PDE11A: variants seen among roughly 807,000 people sequenced by gnomAD.
The protein encoded by PDE11A is dual 3',5'-cyclic-AMP and -GMP phosphodiesterase 11A.
In PDE11A, 100 loss-of-function variants were observed where a neutral mutation model predicts 100.5. That is an observed-to-expected ratio of 1.00 (90% CI 0.85 to 1.18). PDE11A has a LOEUF of 1.18. Among genes scored for constraint, PDE11A ranks in the 50% most tolerant of loss-of-function variants. The pLI, the probability that PDE11A is intolerant of heterozygous loss-of-function variation, is 0.00. For synonymous variants in PDE11A, 381 were observed against 420.8 expected (o/e 0.91, Z 1.16); for missense variants, 1,141 against 1,152.6 (o/e 0.99, Z 0.15).
At chr2:177,886,446 A>C (rs1385284698) in intron 4 of PDE11A, among the ~76,000 whole-genome samples, 2 of 152,216 alleles carry the variant, frequency 1.3e-5, no homozygotes, top group African/African-American at 4.8e-5. Flanking sequence ...TAGCTTAAAG[A>C]CCACAAATGC....
Position 178,072,283 on chromosome 2 carries a change from C to A in PDE11A, c.155G>T (p.Arg52Met), listed in dbSNP as rs77972073. 1.4e-5 allele frequency: 23 copies of A among 1,613,918 alleles called. No individual in the cohort carries two copies. Among genetic ancestry groups the A allele is most frequent in the Non-Finnish European group, 1.9e-5 (23 of 1,179,898 alleles). The change falls in exon 1 of 20, where the codon AGG becomes ATG. Residue 52 changes from arginine (R) to methionine (M), a missense_variant. Physicochemically the swap from Arg to Met is moderately conservative, Grantham distance 91. Transcript: ENST00000286063. ...HSQGQGALGP[R>M]PSLAGTSSLA... ...GCTGCTGGTACCAGCCAAAGAGGGC[C>A]TTGGACCTAAAGCCCCCTGACCCTG...
At chr2:177,643,469 T>C (rs2080176056) in intron 19 of PDE11A, among the ~76,000 whole-genome samples, 1 of 152,104 alleles carries the variant, frequency 6.6e-6, no homozygotes. Flanking sequence ...GAGAGATGAT[T>C]AAGGGTACCT....
At chr2:177,849,587 T>C (rs1459226645) in intron 5 of PDE11A, among the ~76,000 whole-genome samples, 1 of 152,006 alleles carries the variant, frequency 6.6e-6, no homozygotes, top group Non-Finnish European at 1.5e-5. Context: ...CCATTCACAA[T>C]TGCTTCAAAG....
At chr2:177,987,779 T>C (rs140104957) in intron 2 of PDE11A, among the ~76,000 whole-genome samples, 1 of 152,328 alleles carries the variant, frequency 6.6e-6, no homozygotes, top group East Asian at 1.9e-4. Flanking sequence ...TCATTTATTA[T>C]GTTTTTATTT....
chr2:177,864,016 T>C (rs2083988860), intron 5 of PDE11A, among the ~76,000 whole-genome samples: 1 of 152,096 alleles, frequency 6.6e-6, no homozygotes, highest in South Asian at 2.1e-4. Flanking sequence ...ATGTTATTCA[T>C]TCCTAAAAAA....
chr2:177,697,693 T>C (rs1257817086), intron 14 of PDE11A, among the ~76,000 whole-genome samples: 3 of 152,216 alleles, frequency 2.0e-5, no homozygotes, highest in African/African-American at 7.2e-5. Flanking sequence ...TTGGAACTTA[T>C]CTTACTATGA....
chr2:177,713,874 T>C, intron 12 of PDE11A, among the ~76,000 whole-genome samples: 1 of 151,462 alleles, frequency 6.6e-6, no homozygotes, highest in East Asian at 1.9e-4. Flanking sequence ...GACTTAGAAC[T>C]AAAAATCAGT....
At chr2:177,845,913 G>C (rs1024580323) in intron 5 of PDE11A, among the ~76,000 whole-genome samples, 2 of 149,684 alleles carry the variant, frequency 1.3e-5, no homozygotes, top group East Asian at 2.1e-4. Context: ...GCAGGCACTC[G>C]GCAGGCTGAG....
At chr2:178,019,582 T>C (rs1415990391) in intron 1 of PDE11A, among the ~76,000 whole-genome samples, 1 of 152,238 alleles carries the variant, frequency 6.6e-6, no homozygotes, top group Non-Finnish European at 1.5e-5. Context: ...AGATGGCTTA[T>C]TCTTATCTAA....
intron 15 of PDE11A, among the ~76,000 whole-genome samples, chr2:177,686,093 T>C (rs913133758): frequency 6.6e-6 from 1 of 152,138 alleles, no homozygotes; most frequent in African/African-American, 2.4e-5. Context: ...TTTCATTGGG[T>C]ATATCAAAAC....
At chr2:177,915,421 A>T (rs2084938470) in intron 2 of PDE11A, among the ~76,000 whole-genome samples, 1 of 152,148 alleles carries the variant, frequency 6.6e-6, no homozygotes, top group Non-Finnish European at 1.5e-5. Flanking sequence ...CTTTTCCAGA[A>T]TGTCACATAG....
In PDE11A at chr2:178,072,520, T is replaced by C. The variant is rs2087150028; in HGVS notation, c.-83A>G. The stretch of plus-strand genomic sequence containing the variant: ...AGGCCTCTAGCTGTTCCTGCACATG[T>C]TCACCCCCACCAGTATTCCCAGTTC... On this transcript the variant is annotated 5_prime_UTR_variant, in exon 1 of 20. Coordinates refer to ENST00000286063, the MANE Select transcript of PDE11A (RefSeq NM_016953.4). 1 of 1,583,972 alleles carries C rather than the reference T, an allele frequency of 6.3e-7. No individual in the cohort carries two copies. Among genetic ancestry groups the C allele is most frequent in the African/African-American group, 1.3e-5 (1 of 74,362 alleles).
chr2:178,056,945 A>G (rs1056138158), intron 1 of PDE11A, among the ~76,000 whole-genome samples: 2 of 152,256 alleles, frequency 1.3e-5, no homozygotes, highest in East Asian at 3.9e-4. Flanking sequence ...AGGGGAAGCC[A>G]TTACACAAAA....
intron 2 of PDE11A, chr2:177,997,428 C>T (rs1242544647): frequency 2.1e-5 from 17 of 827,360 alleles, no homozygotes; most frequent in Non-Finnish European, 3.7e-5. Flanking sequence ...ACCTTTTATA[C>T]AGGTTTCCAG....
chr2:177,827,206 T>TA (rs944410048), intron 6 of PDE11A, among the ~76,000 whole-genome samples: 33 of 152,286 alleles, frequency 2.2e-4, no homozygotes, highest in Admixed American at 2.1e-3. Context: ...TAATAGGCTT[T>TA]AAAAAAATCA....
chr2:177,937,938 A>G (rs1403153680), intron 2 of PDE11A, among the ~76,000 whole-genome samples: 3 of 152,226 alleles, frequency 2.0e-5, no homozygotes, highest in African/African-American at 7.2e-5. Context: ...AATGCAAAAG[A>G]CAAAAGGACA....
intron 7 of PDE11A, 57 bp downstream of exon 7, chr2:177,820,163 T>A (rs1349196542): frequency 3.2e-6 from 3 of 939,726 alleles, no homozygotes; most frequent in African/African-American, 1.6e-5. Context: ...GGGAATATTT[T>A]AAAGCAAACT....
At chr2:177,751,771 G>A (rs1033661354) in intron 10 of PDE11A, among the ~76,000 whole-genome samples, 1 of 152,158 alleles carries the variant, frequency 6.6e-6, no homozygotes, top group African/African-American at 2.4e-5. Context: ...AAACAAATGA[G>A]ATTCATCTTA....
At chr2:177,705,080 T>A (rs1309845528) in intron 13 of PDE11A, among the ~76,000 whole-genome samples, 1 of 152,200 alleles carries the variant, frequency 6.6e-6, no homozygotes, top group African/African-American at 2.4e-5. Flanking sequence ...GACCTTGTGA[T>A]CTGCCCGCCT....
Sources: gnomAD v4.1 joint callset for allele counts (sites outside exome capture counted in the v4.1 genomes callset) on GRCh38, gnomAD v4.1.1 for gene constraint, MANE v1.5 for transcripts, NCBI Gene and HGNC (gene_info 2026-07-23, HGNC 2026-07-21) for gene names.